CDC14A: variants seen among roughly 807,000 people sequenced by gnomAD.
The protein encoded by CDC14A is cell division cycle 14A.
In CDC14A, 53 loss-of-function variants were observed where a neutral mutation model predicts 74.4. That is an observed-to-expected ratio of 0.71 (90% CI 0.57 to 0.89). The LOEUF (loss-of-function observed/expected upper bound fraction) is 0.89, where lower values mean the gene tolerates loss of function less well. Among genes scored for constraint, CDC14A ranks in the 40% least tolerant of loss-of-function variants. The probability of loss-of-function intolerance (pLI) is 0.00; values close to 1 mark genes in which losing one functional copy is unlikely to be tolerated. For synonymous variants in CDC14A, 247 were observed against 258.4 expected (o/e 0.96, Z 0.43); for missense variants, 646 against 713.7 (o/e 0.91, Z 1.08).
upstream of CDC14A, among the ~76,000 whole-genome samples, chr1:100,351,442 G>A (rs1274172126): frequency 6.6e-6 from 1 of 152,202 alleles, no homozygotes. Flanking sequence ...CTCTGATTAG[G>A]TACAGCCTTA....
At chr1:100,422,853 A>G (rs990509290) in intron 4 of CDC14A, among the ~76,000 whole-genome samples, 1 of 152,198 alleles carries the variant, frequency 6.6e-6, no homozygotes, top group Non-Finnish European at 1.5e-5. Flanking sequence ...TGAAATATTA[A>G]TAAGTAAACA....
chr1:100,412,740 TTATATATATATATTTTA>T (rs1660995922), intron 4 of CDC14A, among the ~76,000 whole-genome samples: 1 of 99,896 alleles, frequency 1.0e-5, no homozygotes, highest in African/African-American at 6.1e-5. Context: ...TATATATATT[TTATATATATATATTTTA>T]TATATATATA....
At chr1:100,355,068 C>G (rs1301256851) in intron 2 of CDC14A, among the ~76,000 whole-genome samples, 2 of 152,138 alleles carry the variant, frequency 1.3e-5, no homozygotes, top group East Asian at 3.8e-4. Flanking sequence ...TCATGAATGC[C>G]CAGAGTTGCT....
chr1:100,407,914 TA>T (rs1660160522), intron 4 of CDC14A, among the ~76,000 whole-genome samples: 2 of 152,316 alleles, frequency 1.3e-5, no homozygotes, highest in African/African-American at 2.4e-5. Flanking sequence ...TGCTTTTATT[TA>T]AAAAAATCTT....
At chr1:100,367,657 T>G (rs1168150110) in intron 2 of CDC14A, among the ~76,000 whole-genome samples, 1 of 152,232 alleles carries the variant, frequency 6.6e-6, no homozygotes, top group Non-Finnish European at 1.5e-5. Flanking sequence ...TTCTGACTTT[T>G]GAAGACTTGT....
At chr1:100,351,499 G>T (rs1650993543), upstream of CDC14A, among the ~76,000 whole-genome samples, 1 of 152,252 alleles carries the variant, frequency 6.6e-6, no homozygotes, top group Non-Finnish European at 1.5e-5. Flanking sequence ...GAGCCTCGCA[G>T]AGACAAGTCA....
chr1:100,424,284 C>T lies in CDC14A; in HGVS notation c.372C>T (p.Pro124=), dbSNP rs773802675. ...GAGCACTCCTGTCTGGCTCAAACCCCCCCTATCTTCCATTCAGGTATAACT... is the reference window on the plus strand; with the variant it reads ...GAGCACTCCTGTCTGGCTCAAACCCTCCCTATCTTCCATTCAGGTATAACT... ...AYRALLSGSN[P]PYLPFRDASF... is the part of the protein sequence containing the mutation. The change falls in exon 5 of 16, where the codon CCC becomes CCT. Residue 124 remains proline (P), a synonymous_variant. Coordinates refer to ENST00000336454, the MANE Select transcript of CDC14A (RefSeq NM_003672.4). 5.6e-6 allele frequency: 9 copies of T among 1,613,108 alleles called. No individual in the cohort carries two copies. Among genetic ancestry groups the T allele is most frequent in the Non-Finnish European group, 6.8e-6 (8 of 1,179,290 alleles).
At chr1:100,424,573 A>G (rs1662732774) in intron 5 of CDC14A, among the ~76,000 whole-genome samples, 1 of 152,212 alleles carries the variant, frequency 6.6e-6, no homozygotes, top group Non-Finnish European at 1.5e-5. Context: ...TGCCTCATTT[A>G]TAAGCTAATA....
intron 13 of CDC14A, 98 bp downstream of exon 13, chr1:100,496,147 G>A: frequency 1.1e-6 from 1 of 918,374 alleles, no homozygotes; most frequent in Non-Finnish European, 1.7e-6. Context: ...ACTGTACACA[G>A]CTTTTTGCTT....
chr1:100,411,092 C>T (rs1660638410), intron 4 of CDC14A, among the ~76,000 whole-genome samples: 1 of 152,202 alleles, frequency 6.6e-6, no homozygotes, highest in African/African-American at 2.4e-5. Context: ...CCAGCCCACC[C>T]TTCTCCACTC....
intron 2 of CDC14A, among the ~76,000 whole-genome samples, chr1:100,361,331 A>G (rs1652723963): frequency 6.6e-6 from 1 of 152,232 alleles, no homozygotes; most frequent in Non-Finnish European, 1.5e-5. Flanking sequence ...AAGTAGAAAC[A>G]CATGCAGTAC....
intron 4 of CDC14A, among the ~76,000 whole-genome samples, chr1:100,408,846 G>A (rs1660293682): frequency 6.6e-6 from 1 of 152,150 alleles, no homozygotes; most frequent in African/African-American, 2.4e-5. Flanking sequence ...ATTTCTTTAT[G>A]TTGGGGACAT....
intron 11 of CDC14A, 106 bp downstream of exon 11, chr1:100,484,557 G>C: frequency 7.4e-7 from 1 of 1,343,466 alleles, no homozygotes. Context: ...GATGCCACGA[G>C]TACCAAGTTT....
intron 2 of CDC14A, among the ~76,000 whole-genome samples, chr1:100,368,241 G>A (rs77240931): frequency 0.018 from 2,807 of 152,266 alleles, 93 homozygotes; most frequent in African/African-American, 0.064. Context: ...CATTAGCTAC[G>A]TGTGGCTTTT....
intron 12 of CDC14A, 92 bp downstream of exon 12, chr1:100,495,022 G>T: frequency 2.9e-6 from 2 of 682,334 alleles, no homozygotes; most frequent in Admixed American, 2.8e-5. Flanking sequence ...CTTCTGTTTT[G>T]AATTTTGTTC....
intron 2 of CDC14A, among the ~76,000 whole-genome samples, chr1:100,365,545 T>C (rs1462789692): frequency 6.6e-6 from 1 of 152,200 alleles, no homozygotes; most frequent in Non-Finnish European, 1.5e-5. Context: ...CCAGAGAGGC[T>C]ACGACACCAG....
intron 4 of CDC14A, among the ~76,000 whole-genome samples, chr1:100,420,120 G>GT (rs61463263): frequency 0.018 from 887 of 48,178 alleles, 21 homozygotes; most frequent in African/African-American, 0.021. Flanking sequence ...TGCTGAAAAG[G>GT]TTTTTTTTTT....
chr1:100,444,535 G>A (rs560551950), intron 7 of CDC14A, among the ~76,000 whole-genome samples: 60 of 152,210 alleles, frequency 3.9e-4, no homozygotes, highest in Non-Finnish European at 8.2e-4. Flanking sequence ...TTCACTGTAC[G>A]TACTCTGTGT....
At chr1:100,376,569 T>G (rs980799485) in intron 2 of CDC14A, among the ~76,000 whole-genome samples, 1 of 152,158 alleles carries the variant, frequency 6.6e-6, no homozygotes, top group Non-Finnish European at 1.5e-5. Context: ...GGCCTGTAGA[T>G]GGTGGACCCA....
Sources: gnomAD v4.1 joint callset for allele counts (sites outside exome capture counted in the v4.1 genomes callset) on GRCh38, gnomAD v4.1.1 for gene constraint, MANE v1.5 for transcripts, NCBI Gene and HGNC (gene_info 2026-07-23, HGNC 2026-07-21) for gene names.